SPAG16: variants seen among roughly 807,000 people sequenced by gnomAD.
SPAG16 encodes the protein sperm associated antigen 16.
A neutral mutation model predicts 80.4 loss-of-function variants in SPAG16; 86 were observed. The observed-to-expected ratio is 1.07, with a 90% confidence interval of 0.90 to 1.28. The LOEUF is 1.28. Among genes scored for constraint, SPAG16 ranks in the 50% most tolerant of loss-of-function variants. The pLI is 0.00. For missense variants in SPAG16, 870 were observed against 765.3 expected, an observed-to-expected ratio of 1.14 and a Z score of -1.61; for synonymous variants, 294 against 265.9, an observed-to-expected ratio of 1.11 and a Z score of -1.03.
At chr2:213,488,430 A>C (rs1461634497) in intron 9 of SPAG16, among the ~76,000 whole-genome samples, 2 of 152,178 alleles carry the variant, frequency 1.3e-5, no homozygotes, top group Admixed American at 1.3e-4. Flanking sequence ...GCTTTAAGGA[A>C]ATACTTAGTG....
chr2:214,125,726 C>T (rs1576288404), intron 14 of SPAG16, among the ~76,000 whole-genome samples: 1 of 151,682 alleles, frequency 6.6e-6, no homozygotes, highest in East Asian at 1.9e-4. Flanking sequence ...CCTTTCCTCA[C>T]CCATCTTAAG....
intron 10 of SPAG16, among the ~76,000 whole-genome samples, chr2:213,702,665 G>A (rs752705023): frequency 2.3e-4 from 35 of 151,964 alleles, no homozygotes; most frequent in Admixed American, 4.6e-4. Context: ...ACAACTATCC[G>A]TAATCTATGA....
At chr2:213,733,384 T>G (rs957898047) in intron 10 of SPAG16, among the ~76,000 whole-genome samples, 7 of 152,068 alleles carry the variant, frequency 4.6e-5, no homozygotes, top group African/African-American at 1.4e-4. Flanking sequence ...CTTCCTCCAG[T>G]TGGGAGGAGG....
Position 213,490,039 on chromosome 2 carries a change from T to G in SPAG16, c.1019T>G (p.Phe340Cys), listed in dbSNP as rs1273927249. The change falls in exon 10 of 16, where the codon TTT becomes TGT. Residue 340 changes from phenylalanine to cysteine, a missense_variant. Transcript: ENST00000331683. ...AAAGAAAGTCTTTCTCCAGCAAAAT[T>G]TGACTACAAGCTGAAAAACATTTTT... Reference protein sequence around the residue: ...VSKESLSPAKFDYKLKNIFRL... With the variant: ...VSKESLSPAKCDYKLKNIFRL... 2.5e-6 allele frequency: 4 copies of G among 1,610,776 alleles called. No individual in the cohort carries two copies. In the South Asian group the frequency reaches 3.3e-5, roughly 13 times the overall value.
chr2:213,973,070 A>G (rs574961890), intron 12 of SPAG16, among the ~76,000 whole-genome samples: 20 of 152,096 alleles, frequency 1.3e-4, no homozygotes, highest in Non-Finnish European at 2.1e-4. Flanking sequence ...CAGCCCAGTT[A>G]AAGCTCTGGC....
chr2:213,621,491 G>A (rs1026372341), intron 10 of SPAG16, among the ~76,000 whole-genome samples: 5 of 152,100 alleles, frequency 3.3e-5, no homozygotes, highest in African/African-American at 1.2e-4. Flanking sequence ...TAATGGTCAT[G>A]GAAAATTATT....
intron 13 of SPAG16, among the ~76,000 whole-genome samples, chr2:214,080,564 C>T (rs11675820): frequency 0.17 from 25,667 of 147,684 alleles, 3,021 homozygotes; most frequent in Middle Eastern, 0.29. Flanking sequence ...GCTGAGATCA[C>T]GCCTCTGCAC....
chr2:214,045,278 A>G (rs1337881743), intron 13 of SPAG16, among the ~76,000 whole-genome samples: 2 of 152,142 alleles, frequency 1.3e-5, no homozygotes, highest in African/African-American at 2.4e-5. Flanking sequence ...ACGTTTCTAG[A>G]TATACCCTGG....
chr2:213,666,822 C>G (rs921514740), intron 10 of SPAG16, among the ~76,000 whole-genome samples: 1 of 152,272 alleles, frequency 6.6e-6, no homozygotes, highest in Non-Finnish European at 1.5e-5. Flanking sequence ...AAGGAAAGTG[C>G]AGGAGTTCAG....
At chr2:213,862,463 T>TTTTTTCTTTCTCCTCGCGCAGTGTCTCC in intron 10 of SPAG16, 22 bp from the exon 11 acceptor site, 1 of 1,610,938 alleles carries the variant, frequency 6.2e-7, no homozygotes. Context: ...CCCATAACTC[T>TTTTTTCTTTCTCCTCGCGCAGTGTCTCC]TTTTTCTTTC....
At chr2:214,360,795 T>C (rs979467254) in intron 15 of SPAG16, among the ~76,000 whole-genome samples, 1 of 151,930 alleles carries the variant, frequency 6.6e-6, no homozygotes, top group Non-Finnish European at 1.5e-5. Flanking sequence ...AAATTTATTA[T>C]GTGCAAGCAC....
chr2:214,053,999 C>CT (rs547923041), intron 13 of SPAG16, among the ~76,000 whole-genome samples: 26 of 151,410 alleles, frequency 1.7e-4, no homozygotes, highest in Admixed American at 2.6e-4. Context: ...CCCCCACTCC[C>CT]TTTTTTTTTA....
At chr2:214,057,999 A>G (rs1050839390) in intron 13 of SPAG16, among the ~76,000 whole-genome samples, 6 of 151,844 alleles carry the variant, frequency 4.0e-5, no homozygotes, top group Non-Finnish European at 8.8e-5. Context: ...GCTTTGGCTT[A>G]AAAAAAATGT....
chr2:213,996,803 C>T (rs1230458522), intron 12 of SPAG16, among the ~76,000 whole-genome samples: 4 of 152,046 alleles, frequency 2.6e-5, no homozygotes, highest in Non-Finnish European at 5.9e-5. Flanking sequence ...CTCCTGACCT[C>T]GTGATCTGCC....
intron 10 of SPAG16, among the ~76,000 whole-genome samples, chr2:213,809,832 T>C (rs1046477987): frequency 2.6e-5 from 4 of 152,208 alleles, no homozygotes; most frequent in Non-Finnish European, 5.9e-5. Context: ...TTTAACAACA[T>C]TAACTCTGTT....
In SPAG16 at chr2:213,284,488, C is replaced by T; in HGVS notation, c.5C>T (p.Ala2Val). The T allele has an allele frequency of 1.9e-6, 3 of 1,567,526 alleles. No individual in the cohort carries two copies. Among genetic ancestry groups the T allele is most frequent in the South Asian group, 1.2e-5 (1 of 85,412 alleles). Residue 2 changes from alanine (A) to valine (V), a missense_variant, in exon 1 of 16, where the codon GCT becomes GTT. Coordinates refer to ENST00000331683, the MANE Select transcript of SPAG16 (RefSeq NM_024532.5). M[A>V]AQRGMPSSAV... ...TGGGGGCCCGAAGCGCCAGAGATGG[C>T]TGCTCAGCGAGGGATGCCCAGCTCC...
At chr2:213,526,871 C>T (rs1365300888) in intron 10 of SPAG16, among the ~76,000 whole-genome samples, 1 of 152,090 alleles carries the variant, frequency 6.6e-6, no homozygotes, top group Non-Finnish European at 1.5e-5. Flanking sequence ...AAGAAGACCT[C>T]ATCATAAGGG....
At chr2:213,691,012 G>C (rs756102567) in intron 10 of SPAG16, among the ~76,000 whole-genome samples, 2 of 152,086 alleles carry the variant, frequency 1.3e-5, no homozygotes, top group Non-Finnish European at 2.9e-5. Context: ...TCTCTCTGCA[G>C]AACCCTGACT....
At chr2:213,474,385 C>G (rs759876842) in intron 9 of SPAG16, among the ~76,000 whole-genome samples, 48 of 152,190 alleles carry the variant, frequency 3.2e-4, no homozygotes, top group Admixed American at 1.2e-3. Context: ...GTATCTGCTT[C>G]TGAAGTTGGG....
Sources: gnomAD v4.1 joint callset for allele counts (sites outside exome capture counted in the v4.1 genomes callset) on GRCh38, gnomAD v4.1.1 for gene constraint, MANE v1.5 for transcripts, NCBI Gene and HGNC (gene_info 2026-07-23, HGNC 2026-07-21) for gene names.